CCDC136: variants seen among roughly 807,000 people sequenced by gnomAD.
CCDC136 encodes coiled-coil domain-containing protein 136.
In CCDC136, 100 loss-of-function variants were observed where a neutral mutation model predicts 141.2. The observed-to-expected ratio is 0.71, with a 90% CI of 0.60 to 0.84. The LOEUF (loss-of-function observed/expected upper bound fraction) is 0.84. Ranked by LOEUF, CCDC136 falls within the 40% of genes least tolerant of loss-of-function variation. The pLI is 0.00. For synonymous variants in CCDC136, 474 were observed against 531.9 expected, an observed-to-expected ratio of 0.89 and a Z score of 1.50; for missense variants, 1,206 against 1,379.4, an observed-to-expected ratio of 0.87 and a Z score of 1.99.
chr7:128,791,523 A>C (rs373318421), upstream of CCDC136: 6,791 of 1,290,490 alleles, frequency 5.3e-3, 24 homozygotes, highest in Non-Finnish European at 6.0e-3. This position sits in a 1 kb window ranked among gnomAD's most constrained non-coding sequence, Gnocchi z 7.1. Flanking sequence ...CCGGCGCGGG[A>C]GCCGCGGGCT....
At chr7:128,800,132 A>G (rs1262794741) in intron 3 of CCDC136, among the ~76,000 whole-genome samples, 2 of 152,194 alleles carry the variant, frequency 1.3e-5, no homozygotes. Context: ...TATATACTAT[A>G]CATAAAATAT....
Position 128,792,039 on chromosome 7 carries a change from T to C in CCDC136, c.-373T>C. ...TCCCGCCCTCTTTCAGTCTTGGCCC[T>C]CTCCTCCCTGTCCCCCCGGACTAAA... On this transcript the variant is annotated 5_prime_UTR_variant, in exon 1 of 18. Transcript: ENST00000297788. The C allele has an allele frequency of 1.6e-6, 2 of 1,248,838 alleles. No homozygotes were observed. The highest frequency in any genetic ancestry group is 2.0e-6 in the Non-Finnish European group (2 of 993,166). The allele number at this position is 1,248,838 out of a possible 1,614,324, so 77.4% of individuals were successfully genotyped here.
intron 1 of CCDC136, among the ~76,000 whole-genome samples, chr7:128,792,649 C>T (rs1802355370): frequency 6.6e-6 from 1 of 152,162 alleles, no homozygotes; most frequent in African/African-American, 2.4e-5. Context: ...CCCCAGCTAA[C>T]CAGGTTATGT....
Position 128,796,739 on chromosome 7 carries a change from A to ATATATATATTTTTT in CCDC136, c.346+1972_346+1973insATATATATTTTTTT. Among the ~76,000 whole-genome samples the ATATATATATTTTTT allele has an allele frequency of 1.2e-4, 14 of 113,384 alleles. 2 individuals carry two copies. The highest frequency in any genetic ancestry group is 1.1e-3 in the East Asian group (3 of 2,804). 74.4% of individuals were successfully genotyped at this position (113,384 alleles called of 152,430 possible). ...TGATTCAGAATATATATATATATAT[A>ATATATATATTTTTT]TTCTTTTTTTTTTTTTTTTTGAGAC... On this transcript the variant is annotated intron_variant, in intron 3 of 17. Transcript: ENST00000297788.
chr7:128,794,910 AC>A lies in CCDC136; in HGVS notation c.346+145del. The A allele has an allele frequency of 1.5e-6, 1 of 655,236 alleles. No homozygotes were observed. Among genetic ancestry groups the A allele is most frequent in the South Asian group, 1.9e-5 (1 of 52,224 alleles). The allele number at this position is 655,236 out of a possible 1,614,324, so 40.6% of individuals were successfully genotyped here. A position where few individuals can be genotyped will look rare whatever the true frequency, so the allele number is the denominator to read the frequency against. ...CACCTCATTTTCCTCTACTAGTCTC[AC>A]CCTTTTCCTCTCCTTGTCTCTCCAT... On this transcript the variant is annotated intron_variant, in intron 3 of 17. Coordinates refer to ENST00000297788, the MANE Select transcript of CCDC136 (RefSeq NM_022742.5). The surrounding 1 kb of genome is among the most constrained non-coding windows in gnomAD (Gnocchi z 4.3).
chr7:128,796,712 G>T (rs1802994737), intron 3 of CCDC136, among the ~76,000 whole-genome samples: 1 of 142,524 alleles, frequency 7.0e-6, no homozygotes, highest in Non-Finnish European at 1.5e-5. Flanking sequence ...TAGAAATGGA[G>T]ATGATTCAGA....
At chr7:128,807,247 A>G (rs1805001389) in intron 9 of CCDC136, 113 bp from the exon 10 acceptor site, 1 of 721,348 alleles carries the variant, frequency 1.4e-6, no homozygotes, top group Non-Finnish European at 2.0e-6. Context: ...CTGGGATGAA[A>G]TTGGGGCTGA....
At chr7:128,800,066 TG>T (rs1458396074) in intron 3 of CCDC136, among the ~76,000 whole-genome samples, 1 of 152,234 alleles carries the variant, frequency 6.6e-6, no homozygotes, top group Non-Finnish European at 1.5e-5. Flanking sequence ...CTACTCATTA[TG>T]GTTTGGGCAT....
In CCDC136 at chr7:128,809,438, C is replaced by T. The variant is rs1381406381; in HGVS notation, c.1606-12C>T. The T allele has an allele frequency of 4.0e-6, 6 of 1,501,364 alleles. No individual in the cohort carries two copies. The highest frequency in any genetic ancestry group is 4.0e-5 in the Admixed American group (2 of 50,160). 93.0% of individuals were successfully genotyped at this position (1,501,364 alleles called of 1,614,324 possible). A position where few individuals can be genotyped will look rare whatever the true frequency, so the allele number is the denominator to read the frequency against. On this transcript the variant is annotated splice_polypyrimidine_tract_variant and intron_variant, in intron 10 of 17. Transcript: ENST00000297788. ...GAGTAACCACCCCCTCCACACCCGC[C>T]CCCACCCACAGTGTGACACACTGCT...
In CCDC136 at chr7:128,794,243, A is replaced by G; in HGVS notation, c.17-105A>G. 1 of 1,486,134 alleles carries G rather than the reference A, an allele frequency of 6.7e-7. No homozygotes were observed. The highest frequency in any genetic ancestry group is 1.2e-5 in the South Asian group (1 of 82,038). 92.1% of individuals were successfully genotyped at this position (1,486,134 alleles called of 1,614,324 possible). On this transcript the variant is annotated intron_variant, in intron 1 of 17. Coordinates refer to ENST00000297788, the MANE Select transcript of CCDC136 (RefSeq NM_022742.5). The surrounding 1 kb of genome is among the most constrained non-coding windows in gnomAD (Gnocchi z 4.3). Reference sequence around the variant, plus strand: ...GGCTCCTTGGGGGACACCAGGTGGCACTAGTATGTCATCTCTGCCCTGGCA... The same window carrying G: ...GGCTCCTTGGGGGACACCAGGTGGCGCTAGTATGTCATCTCTGCCCTGGCA...
Position 128,817,039 on chromosome 7 carries a change from C to T in CCDC136, c.3364-719C>T, listed in dbSNP as rs1030758385. Among the ~76,000 whole-genome samples, 8 of 152,174 alleles carry T rather than the reference C, an allele frequency of 5.3e-5. No individual in the cohort carries two copies. The highest frequency in any genetic ancestry group is 1.9e-4 in the African/African-American group (8 of 41,432). ...TATTCCACCACGTGCTGGTTCAGAG[C>T]CTCACAGATGTCTTTACCTTCGGTG... On this transcript the variant is annotated intron_variant, in intron 16 of 17. Transcript: ENST00000297788. This position sits in a 1 kb window ranked among gnomAD's most constrained non-coding sequence, Gnocchi z 4.6.
At chr7:128,807,751 C>T (rs2128912653) in intron 10 of CCDC136, 2 of 374,050 alleles carry the variant, frequency 5.3e-6, no homozygotes, top group East Asian at 8.1e-5. Context: ...GGATCAATAC[C>T]TTTGGATCCC....
rs1802620022 is a variant in CCDC136, at chr7:128,794,279, G to T, written c.17-69G>T. 1.3e-6 allele frequency: 2 copies of T among 1,549,922 alleles called. No homozygotes were observed. Among genetic ancestry groups the T allele is most frequent in the East Asian group, 4.9e-5 (2 of 40,918 alleles). On this transcript the variant is annotated intron_variant, in intron 1 of 17. Transcript: ENST00000297788. This position sits in a 1 kb window ranked among gnomAD's most constrained non-coding sequence, Gnocchi z 4.3. ...ATCTCTGCCCTGGCATAGTGAGTTTGAGGGCCCTGGAAGGACGGCAGAAAG... is the reference window on the plus strand; with the variant it reads ...ATCTCTGCCCTGGCATAGTGAGTTTTAGGGCCCTGGAAGGACGGCAGAAAG...
upstream of CCDC136, chr7:128,791,269 G>A (rs1802125437): frequency 3.0e-6 from 1 of 332,400 alleles, no homozygotes; most frequent in Non-Finnish European, 5.4e-6. The surrounding 1 kb of genome is among the most constrained non-coding windows in gnomAD (Gnocchi z 7.1). Context: ...GGCGTATCCG[G>A]GGTCGCGCTC....
chr7:128,795,136 A>C (rs1277694329), intron 3 of CCDC136, among the ~76,000 whole-genome samples: 6 of 152,066 alleles, frequency 3.9e-5, no homozygotes, highest in African/African-American at 1.4e-4. Context: ...GTTGAATTCC[A>C]AGCCGGATTC....
In CCDC136 at chr7:128,806,351, C is replaced by G. The variant is rs1450112256; in HGVS notation, c.1204C>G (p.Leu402Val). Residue 402 changes from leucine to valine, a missense_variant, in exon 8 of 18, where the codon CTC becomes GTC. Transcript: ENST00000297788. ...QLQLQTELRQ[L>V]KVMKSTLVEN... Reference sequence around the variant, plus strand: ...GCAACTTCAGACTGAGCTCCGGCAGCTCAAAGTCATGAAATCCACACTTGT... The same window carrying G: ...GCAACTTCAGACTGAGCTCCGGCAGGTCAAAGTCATGAAATCCACACTTGT... 6.2e-7 allele frequency: 1 copy of G among 1,604,040 alleles called. No individual in the cohort carries two copies. The highest frequency in any genetic ancestry group is 8.5e-7 in the Non-Finnish European group (1 of 1,175,322).
intron 8 of CCDC136, 24 bp from the exon 9 acceptor site, chr7:128,806,664 T>A (rs758149983): frequency 3.1e-6 from 5 of 1,598,532 alleles, no homozygotes; most frequent in Non-Finnish European, 4.3e-6. Flanking sequence ...CCAAAGGCAC[T>A]GCCCAAAGCC....
chr7:128,806,860 TA>T lies in CCDC136; in HGVS notation c.1419+6del. The T allele has an allele frequency of 6.3e-7, 1 of 1,595,932 alleles. No individual in the cohort carries two copies. Among genetic ancestry groups the T allele is most frequent in the African/African-American group, 1.3e-5 (1 of 74,076 alleles). Reference sequence around the variant, plus strand: ...TCCTTCAAAGAGAGCAATGAGAAGGTAAAAGAAGCTCCTGGTGAGGGAGGAT... The same window carrying T: ...TCCTTCAAAGAGAGCAATGAGAAGGTAAAGAAGCTCCTGGTGAGGGAGGAT... On this transcript the variant is annotated splice_donor_region_variant and intron_variant, in intron 9 of 17. Coordinates refer to ENST00000297788, the MANE Select transcript of CCDC136 (RefSeq NM_022742.5).
chr7:128,811,885 A>C lies in CCDC136; in HGVS notation c.2114A>C (p.Glu705Ala), dbSNP rs370649260. The stretch of plus-strand genomic sequence containing the variant: ...GCGAAGCAGGAGCTCTTGCAGCAAG[A>C]GCAAGGGAGGCTCCTAGAGGAGCGG... ...GQAKQELLQQ[E>A]QGRLLEERKR... Residue 705 changes from glutamate (E) to alanine (A), a missense_variant, in exon 13 of 18, where the codon GAG becomes GCG. Coordinates refer to ENST00000297788, the MANE Select transcript of CCDC136 (RefSeq NM_022742.5). 13 of 1,613,712 alleles carry C rather than the reference A, an allele frequency of 8.1e-6. No homozygotes were observed. Among genetic ancestry groups the C allele is most frequent in the Non-Finnish European group, 1.1e-5 (13 of 1,179,716 alleles).
Sources: gnomAD v4.1 joint callset for allele counts (sites outside exome capture counted in the v4.1 genomes callset) on GRCh38, gnomAD v4.1.1 for gene constraint, Gnocchi (gnomAD v3.1) non-coding constraint, MANE v1.5 for transcripts, NCBI Gene and HGNC (gene_info 2026-07-23, HGNC 2026-07-21) for gene names.